ADAMTSL1: variants seen among roughly 807,000 people sequenced by gnomAD.
ADAMTSL1 encodes ADAMTS like 1, also known as ADAMTS-like protein 1.
ADAMTSL1 carries 126 observed loss-of-function variants against 201.8 expected under a neutral mutation model. The observed-to-expected ratio is 0.62, with a 90% CI of 0.54 to 0.72. The LOEUF (loss-of-function observed/expected upper bound fraction) is 0.72. Among genes scored for constraint, ADAMTSL1 ranks in the 30% least tolerant of loss-of-function variants. The pLI is 0.00. For missense variants in ADAMTSL1, 2,679 were observed against 2,277.8 expected, an observed-to-expected ratio of 1.18 and a Z score of -3.59; for synonymous variants, 1,121 against 903.4, an observed-to-expected ratio of 1.24 and a Z score of -4.32.
At chr9:18,215,842 G>A (rs889402013) in intron 2 of ADAMTSL1, among the ~76,000 whole-genome samples, 2 of 152,160 alleles carry the variant, frequency 1.3e-5, no homozygotes, top group African/African-American at 4.8e-5. Context: ...CCTTTCATGT[G>A]AGACAGCTGC....
chr9:18,043,657 C>T (rs932454320), intron 1 of ADAMTSL1, among the ~76,000 whole-genome samples: 1 of 152,070 alleles, frequency 6.6e-6, no homozygotes, highest in African/African-American at 2.4e-5. Context: ...CAGAAGACTA[C>T]ATTTGGCTTT....
intron 7 of ADAMTSL1, among the ~76,000 whole-genome samples, chr9:18,656,684 G>A (rs1034812130): frequency 1.4e-5 from 2 of 147,396 alleles, no homozygotes; most frequent in Non-Finnish European, 3.0e-5. Context: ...CAAATACTTA[G>A]GGCAAGTGGT....
At chr9:18,613,667 T>TG (rs1390171011) in intron 4 of ADAMTSL1, among the ~76,000 whole-genome samples, 1 of 151,570 alleles carries the variant, frequency 6.6e-6, no homozygotes, top group African/African-American at 2.4e-5. Context: ...CACTTATAAG[T>TG]GGGGGTAAAT....
At chr9:18,070,037 GAGTAGACC>G (rs1822888892) in intron 1 of ADAMTSL1, among the ~76,000 whole-genome samples, 3 of 152,330 alleles carry the variant, frequency 2.0e-5, no homozygotes, top group African/African-American at 7.2e-5. Context: ...ATGAGATCTA[GAGTAGACC>G]AGTGAGTAAA....
intron 1 of ADAMTSL1, among the ~76,000 whole-genome samples, chr9:18,024,734 C>T (rs556642772): frequency 1.3e-5 from 2 of 152,130 alleles, no homozygotes; most frequent in African/African-American, 4.8e-5. Flanking sequence ...CGTACGAGTA[C>T]GTGTGTCTTT....
At chr9:18,662,113 T>C (rs1170203832) in intron 9 of ADAMTSL1, 40 bp downstream of exon 9, 3 of 1,591,428 alleles carry the variant, frequency 1.9e-6, no homozygotes, top group Non-Finnish European at 2.6e-6. Flanking sequence ...TAAACATAAC[T>C]CAAGTTCCAA....
chr9:18,272,414 C>G (rs140539353), intron 2 of ADAMTSL1, among the ~76,000 whole-genome samples: 4 of 152,186 alleles, frequency 2.6e-5, no homozygotes, highest in Non-Finnish European at 5.9e-5. Context: ...ACGTAGAAAG[C>G]TGAAACTGGA....
intron 23 of ADAMTSL1, among the ~76,000 whole-genome samples, chr9:18,839,882 C>G (rs10811047): frequency 0.89 from 129,725 of 145,840 alleles, 57,935 homozygotes; most frequent in African/African-American, 0.95. Context: ...GGATGGGGTT[C>G]TTTGTTTTTT....
rs913639606 is a variant in ADAMTSL1 at position 18,622,579 on chromosome 9, T to C, written c.601+210T>C. The C allele has an allele frequency of 2.8e-4, 187 of 658,886 alleles. 3 individuals carry two copies. Among genetic ancestry groups the C allele is most frequent in the Non-Finnish European group, 6.6e-5 (26 of 391,186 alleles). The allele number at this position is 658,886 out of a possible 1,614,324, so 40.8% of individuals were successfully genotyped here. On this transcript the variant is annotated intron_variant, in intron 5 of 28. Coordinates refer to ENST00000380548, the MANE Select transcript of ADAMTSL1 (RefSeq NM_001040272.6). Reference sequence around the variant, plus strand: ...GCAGTCCCAAAGAGGAAGCCTGTCCTTCTGAGGCACATCAGGAGTGAACCA... The same window carrying C: ...GCAGTCCCAAAGAGGAAGCCTGTCCCTCTGAGGCACATCAGGAGTGAACCA...
At chr9:18,192,659 C>G (rs1420217854) in intron 2 of ADAMTSL1, among the ~76,000 whole-genome samples, 1 of 152,094 alleles carries the variant, frequency 6.6e-6, no homozygotes, top group Non-Finnish European at 1.5e-5. Context: ...ATTTTTGGAT[C>G]ACCTAGCAAA....
rs374934501 is a variant in ADAMTSL1 at position 18,622,393 on chromosome 9, C to T, written c.601+24C>T. ...ATGTAAGACACACAGAGATGGGCGA[C>T]CTTTGGACTTGTTGACTTATCCTCT... On this transcript the variant is annotated intron_variant, in intron 5 of 28. Coordinates refer to ENST00000380548, the MANE Select transcript of ADAMTSL1 (RefSeq NM_001040272.6). The T allele has an allele frequency of 5.6e-6, 9 of 1,613,808 alleles. No individual in the cohort carries two copies. In the African/African-American group the frequency reaches 1.2e-4, roughly 22 times the overall value.
At chr9:17,994,308 A>G (rs532234382) in intron 1 of ADAMTSL1, among the ~76,000 whole-genome samples, 6 of 152,116 alleles carry the variant, frequency 3.9e-5, no homozygotes, top group Non-Finnish European at 7.4e-5. Context: ...ATCTGTCTCA[A>G]ATAACTTTTC....
At chr9:18,715,822 C>T (rs1832892677) in intron 14 of ADAMTSL1, among the ~76,000 whole-genome samples, 1 of 151,908 alleles carries the variant, frequency 6.6e-6, no homozygotes, top group Non-Finnish European at 1.5e-5. Flanking sequence ...CATCACACTA[C>T]CTGACTTCAA....
intron 1 of ADAMTSL1, among the ~76,000 whole-genome samples, chr9:18,494,480 G>T (rs536789063): frequency 6.6e-6 from 1 of 152,058 alleles, no homozygotes; most frequent in Non-Finnish European, 1.5e-5. Context: ...GAAATAAAAA[G>T]ATGTGAGCAA....
intron 1 of ADAMTSL1, among the ~76,000 whole-genome samples, chr9:18,005,229 G>A (rs991269906): frequency 5.3e-5 from 8 of 152,030 alleles, no homozygotes; most frequent in African/African-American, 1.7e-4. Context: ...TGGGAGACAA[G>A]TCTATAGGGA....
At chr9:18,314,539 T>C (rs1468734379) in intron 2 of ADAMTSL1, among the ~76,000 whole-genome samples, 1 of 150,528 alleles carries the variant, frequency 6.6e-6, no homozygotes, top group Non-Finnish European at 1.5e-5. Flanking sequence ...AGTTGTTCCT[T>C]CCTCCCGTCC....
At chr9:18,554,538 G>T (rs1348491372) in intron 3 of ADAMTSL1, among the ~76,000 whole-genome samples, 1 of 151,726 alleles carries the variant, frequency 6.6e-6, no homozygotes, top group African/African-American at 2.4e-5. Flanking sequence ...CGCACTAAGT[G>T]AATTGTTTCC....
chr9:18,711,865 G>A (rs1832629212), intron 14 of ADAMTSL1, among the ~76,000 whole-genome samples: 2 of 151,896 alleles, frequency 1.3e-5, no homozygotes, highest in Admixed American at 6.6e-5. Flanking sequence ...GCTTTGAAGA[G>A]AGCAGTGGTT....
chr9:18,623,045 G>A (rs778054041), intron 5 of ADAMTSL1, among the ~76,000 whole-genome samples: 7 of 152,028 alleles, frequency 4.6e-5, no homozygotes, highest in Non-Finnish European at 1.0e-4. Context: ...ACAGATGCAT[G>A]CCACCACACC....
Sources: allele counts gnomAD v4.1 joint callset (sites outside exome capture counted in the v4.1 genomes callset), GRCh38; gene constraint gnomAD v4.1.1; transcripts MANE v1.5; gene names NCBI Gene and HGNC (gene_info 2026-07-23, HGNC 2026-07-21).